The following AGBL1 variants were observed in gnomAD, a reference collection of about 807,000 sequenced individuals.
AGBL1 encodes the protein AGBL carboxypeptidase 1.
Under a neutral mutation model 118.9 loss-of-function variants are expected in AGBL1, and 130 were observed. The ratio of observed to expected loss-of-function variants is 1.09; its 90% CI spans 0.95 to 1.26. The LOEUF is 1.26. Among genes scored for constraint, AGBL1 ranks in the 50% most tolerant of loss-of-function variants. The pLI is 0.00. For synonymous variants in AGBL1, 555 were observed against 478.9 expected (o/e 1.16, Z -2.08); for missense variants, 1,584 against 1,298.1 (o/e 1.22, Z -3.38).
intron 1 of AGBL1, among the ~76,000 whole-genome samples, chr15:86,136,927 G>A (rs1376769628): frequency 2.6e-5 from 4 of 152,160 alleles, no homozygotes; most frequent in African/African-American, 9.7e-5. Flanking sequence ...CTCCCTGAAA[G>A]CTTGGTAGAT....
chr15:86,852,108 T>A (rs1567207097), intron 22 of AGBL1, among the ~76,000 whole-genome samples: 3 of 152,058 alleles, frequency 2.0e-5, no homozygotes, highest in Non-Finnish European at 4.4e-5. Flanking sequence ...CTGAGTAATT[T>A]ATAAAGGAAA....
At chr15:86,731,518 C>T (rs938647942) in intron 22 of AGBL1, among the ~76,000 whole-genome samples, 2 of 152,142 alleles carry the variant, frequency 1.3e-5, no homozygotes. Flanking sequence ...ATTTGCCAAG[C>T]AGCAAAGTCT....
Position 86,143,724 on chromosome 15 carries a change from G to A in AGBL1, c.141G>A (p.Met47Ile). 6.2e-7 allele frequency: 1 copy of A among 1,613,762 alleles called. No homozygotes were observed. The highest frequency in any genetic ancestry group is 8.5e-7 in the Non-Finnish European group (1 of 1,179,740). The change falls in exon 3 of 23, where the codon ATG (methionine) becomes ATA (isoleucine). Residue 47 changes from methionine to isoleucine, a missense_variant. Transcript: ENST00000614907. ...GCACAGACCGGAGAATTCACTACAT[G>A]ATCAGCAAGGGTGGCAGTGAAGCTC... ...SVGTDRRIHY[M>I]ISKGGSEALL...
intron 22 of AGBL1, among the ~76,000 whole-genome samples, chr15:86,724,151 G>T (rs1258133965): frequency 3.4e-5 from 5 of 145,906 alleles, no homozygotes; most frequent in African/African-American, 1.3e-4. Flanking sequence ...CAGGAGAATG[G>T]CGTGAATCCG....
At chr15:86,850,175 A>G (rs2079386177) in intron 22 of AGBL1, among the ~76,000 whole-genome samples, 1 of 152,172 alleles carries the variant, frequency 6.6e-6, no homozygotes, top group South Asian at 2.1e-4. Flanking sequence ...GCTGAAATGT[A>G]CTGATAACTG....
At chr15:86,244,063 G>GTAAA (rs10667570) in intron 6 of AGBL1, among the ~76,000 whole-genome samples, 107,640 of 143,726 alleles carry the variant, frequency 0.75, 40,268 homozygotes, top group East Asian at 0.87. Flanking sequence ...AGATAAATAA[G>GTAAA]TAAATAAATA....
chr15:86,526,552 A>G (rs1277228123), intron 19 of AGBL1, among the ~76,000 whole-genome samples: 82 of 136,940 alleles, frequency 6.0e-4, no homozygotes, highest in African/African-American at 2.1e-3. Flanking sequence ...GTGTATATAT[A>G]TATATATATA....
chr15:86,445,549 T>C (rs2082110852), intron 18 of AGBL1, among the ~76,000 whole-genome samples: 3 of 152,250 alleles, frequency 2.0e-5, no homozygotes, highest in Non-Finnish European at 2.9e-5. Flanking sequence ...GTATGGCAGA[T>C]GCCCTGCTCC....
intron 22 of AGBL1, among the ~76,000 whole-genome samples, chr15:86,797,263 G>A (rs1356813713): frequency 2.0e-5 from 3 of 152,184 alleles, no homozygotes; most frequent in East Asian, 3.9e-4. Context: ...CATTTTGTGG[G>A]TATGCACGCT....
chr15:86,609,590 G>C (rs920160547), intron 21 of AGBL1, among the ~76,000 whole-genome samples: 20 of 152,086 alleles, frequency 1.3e-4, no homozygotes, highest in African/African-American at 4.3e-4. Flanking sequence ...CTCAATCATA[G>C]GACACATTGC....
intron 17 of AGBL1, among the ~76,000 whole-genome samples, chr15:86,319,255 G>C (rs2080066878): frequency 6.6e-6 from 1 of 152,146 alleles, no homozygotes; most frequent in Non-Finnish European, 1.5e-5. Context: ...TACTGCACTG[G>C]TTTCTGAAGT....
intron 21 of AGBL1, among the ~76,000 whole-genome samples, chr15:86,633,776 ATG>A (rs200731307): frequency 0.012 from 1,770 of 143,440 alleles, 26 homozygotes; most frequent in East Asian, 0.077. Context: ...ACAATATTTT[ATG>A]TGTGTGTATA....
intron 21 of AGBL1, among the ~76,000 whole-genome samples, chr15:86,667,020 G>A (rs1234052818): frequency 1.3e-5 from 2 of 152,214 alleles, no homozygotes; most frequent in East Asian, 1.9e-4. Flanking sequence ...CCATCTAGAA[G>A]TTCCTGATAT....
At chr15:86,713,881 T>C (rs183022330) in intron 22 of AGBL1, among the ~76,000 whole-genome samples, 5 of 152,286 alleles carry the variant, frequency 3.3e-5, no homozygotes, top group Admixed American at 2.6e-4. Context: ...AGTTTGCTAA[T>C]TAAAGAGCAT....
chr15:87,024,823 A>G (rs1028080298), intron 24 of AGBL1, among the ~76,000 whole-genome samples: 3 of 151,910 alleles, frequency 2.0e-5, no homozygotes, highest in Non-Finnish European at 4.4e-5. Flanking sequence ...TGCAGGGTTT[A>G]GCATAGGCAA....
At chr15:86,113,254 T>TTTCTTTTCTTTTCTTTTCTG (rs1897532642) in intron 1 of AGBL1, among the ~76,000 whole-genome samples, 2 of 86,700 alleles carry the variant, frequency 2.3e-5, no homozygotes, top group Non-Finnish European at 4.5e-5. Flanking sequence ...TTTCTTTTCT[T>TTTCTTTTCTTTTCTTTTCTG]TTCTTTCTTT....
At chr15:86,206,605 A>G (rs542708830) in intron 5 of AGBL1, among the ~76,000 whole-genome samples, 1 of 152,302 alleles carries the variant, frequency 6.6e-6, no homozygotes, top group East Asian at 1.9e-4. Flanking sequence ...GGCTGCATAA[A>G]TGTCTTCTTT....
chr15:86,964,027 C>CTG (rs1242174379), intron 23 of AGBL1, among the ~76,000 whole-genome samples: 1 of 132,460 alleles, frequency 7.5e-6, no homozygotes, highest in African/African-American at 2.8e-5. Context: ...CTCTCTCTCT[C>CTG]TCTCTGTGTG....
intron 22 of AGBL1, among the ~76,000 whole-genome samples, chr15:86,750,791 G>C (rs748705258): frequency 1.3e-5 from 2 of 151,442 alleles, no homozygotes; most frequent in Non-Finnish European, 2.9e-5. Context: ...GCCTCTTCCC[G>C]CCTTCCACCC....
Sources: gnomAD v4.1 joint callset for allele counts (sites outside exome capture counted in the v4.1 genomes callset) on GRCh38, gnomAD v4.1.1 for gene constraint, MANE v1.5 for transcripts, NCBI Gene and HGNC (gene_info 2026-07-23, HGNC 2026-07-21) for gene names.